The following IMMP2L variants were observed in gnomAD, a reference collection of about 807,000 sequenced individuals.
IMMP2L encodes the protein mitochondrial inner membrane protease subunit 2.
IMMP2L carries 18 observed loss-of-function variants against 19.3 expected under a neutral mutation model. That is an observed-to-expected ratio of 0.93 (90% CI 0.64 to 1.38). The LOEUF is 1.38. IMMP2L is among the 40% of genes most tolerant of loss of function. The probability of loss-of-function intolerance (pLI) is 0.00; values close to 1 mark genes in which losing one functional copy is unlikely to be tolerated. For synonymous variants in IMMP2L, 76 were observed against 73.0 expected, an observed-to-expected ratio of 1.04 and a Z score of -0.21; for missense variants, 233 against 218.2, an observed-to-expected ratio of 1.07 and a Z score of -0.43.
At chr7:111,041,174 C>T (rs1425011137) in intron 3 of IMMP2L, among the ~76,000 whole-genome samples, 2 of 151,864 alleles carry the variant, frequency 1.3e-5, no homozygotes, top group Non-Finnish European at 2.9e-5. Flanking sequence ...TCCTGGGGCT[C>T]ACAAATTTTT....
intron 3 of IMMP2L, among the ~76,000 whole-genome samples, chr7:110,980,836 AAATT>A (rs1346369864): frequency 6.6e-6 from 1 of 152,216 alleles, no homozygotes; most frequent in African/African-American, 2.4e-5. Context: ...ATTCCAAAAT[AAATT>A]GTGTATTATG....
intron 5 of IMMP2L, among the ~76,000 whole-genome samples, chr7:110,799,811 T>C (rs1451137797): frequency 1.3e-5 from 2 of 152,096 alleles, no homozygotes; most frequent in African/African-American, 4.8e-5. Context: ...TGGTTTTGTC[T>C]GAATTACGAA....
rs540287595 is a variant in IMMP2L at position 111,354,556 on chromosome 7, A to C, written c.239+132682T>G. 2.0e-5 allele frequency among the ~76,000 whole-genome samples: 3 copies of C among 151,944 alleles called. No homozygotes were observed. In the South Asian group the frequency reaches 6.2e-4, roughly 32 times the overall value. On this transcript the variant is annotated intron_variant, in intron 3 of 5. Coordinates refer to ENST00000405709, the MANE Select transcript of IMMP2L (RefSeq NM_032549.4). ...GAGGGACGAGAGGTTCTAGTCAACA[A>C]AGAAAAAAAATTGAGATGTATAAGG...
At chr7:110,922,915 T>G (rs976220223) in intron 4 of IMMP2L, among the ~76,000 whole-genome samples, 8 of 152,162 alleles carry the variant, frequency 5.3e-5, no homozygotes, top group Admixed American at 2.0e-4. Context: ...CTCTGATTGA[T>G]TTTCTGATTT....
At chr7:111,001,625 C>T (rs1052899122) in intron 3 of IMMP2L, among the ~76,000 whole-genome samples, 2 of 152,064 alleles carry the variant, frequency 1.3e-5, no homozygotes, top group Non-Finnish European at 2.9e-5. Context: ...GCAATATTTA[C>T]TAGAATCTCA....
intron 3 of IMMP2L, among the ~76,000 whole-genome samples, chr7:111,303,579 G>A (rs1358139065): frequency 6.6e-6 from 1 of 152,008 alleles, no homozygotes; most frequent in Non-Finnish European, 1.5e-5. Flanking sequence ...TATTTGTGAA[G>A]AAATAACTTA....
At chr7:111,168,938 A>C (rs1439386785) in intron 3 of IMMP2L, among the ~76,000 whole-genome samples, 1 of 151,846 alleles carries the variant, frequency 6.6e-6, no homozygotes, top group Middle Eastern at 3.2e-3. Context: ...TGGAGGCCCA[A>C]AAACAAGGTG....
At chr7:111,378,936 T>TGTGACC (rs1193612829) in intron 3 of IMMP2L, among the ~76,000 whole-genome samples, 2 of 151,808 alleles carry the variant, frequency 1.3e-5, no homozygotes, top group Non-Finnish European at 2.9e-5. Context: ...GAAACAGGTA[T>TGTGACC]ACAATTCCAT....
intron 5 of IMMP2L, among the ~76,000 whole-genome samples, chr7:110,737,356 C>A (rs975791133): frequency 3.3e-5 from 5 of 152,172 alleles, no homozygotes; most frequent in African/African-American, 1.2e-4. Flanking sequence ...ATGAGACCAG[C>A]CTTTAGGACT....
intron 3 of IMMP2L, among the ~76,000 whole-genome samples, chr7:111,356,026 T>C (rs1412883187): frequency 2.6e-5 from 4 of 152,026 alleles, no homozygotes; most frequent in African/African-American, 7.2e-5. Context: ...AGGCAGAATT[T>C]AGAAAATTAA....
At position 111,299,760 on chromosome 7, in the gene IMMP2L, T is replaced by A. The variant is rs1822024435; in HGVS notation, c.239+187478A>T. On this transcript the variant is annotated intron_variant, in intron 3 of 5. Transcript: ENST00000405709. ...TGTCTTTTTTTTTTAATAGGAAGGA[T>A]TCTGCAGCTACCATGCAAAGATACT... 2.6e-5 allele frequency among the ~76,000 whole-genome samples: 4 copies of A among 152,082 alleles called. No individual in the cohort carries two copies. The South Asian group carries it at 8.3e-4, about 32-fold the overall frequency.
chr7:111,392,856 C>A (rs1199468110), intron 3 of IMMP2L: 1 of 456,422 alleles, frequency 2.2e-6, no homozygotes, highest in Admixed American at 2.4e-5. Context: ...GGAGGTAAAT[C>A]TAGTGAGGTC....
At chr7:110,859,002 T>C (rs1295228612) in intron 5 of IMMP2L, among the ~76,000 whole-genome samples, 1 of 152,128 alleles carries the variant, frequency 6.6e-6, no homozygotes, top group Admixed American at 6.6e-5. Context: ...CTTTCTGAAA[T>C]TACTGGATCA....
chr7:111,152,244 A>G (rs1474500770), intron 3 of IMMP2L, among the ~76,000 whole-genome samples: 2 of 152,126 alleles, frequency 1.3e-5, no homozygotes, highest in Non-Finnish European at 2.9e-5. Flanking sequence ...CATAATCATA[A>G]TGAATTTGAA....
intron 4 of IMMP2L, among the ~76,000 whole-genome samples, chr7:110,904,412 C>G (rs1812241408): frequency 6.6e-6 from 1 of 152,138 alleles, no homozygotes; most frequent in South Asian, 2.1e-4. Flanking sequence ...TTAATCCACT[C>G]TGAGTTGACT....
intron 3 of IMMP2L, among the ~76,000 whole-genome samples, chr7:111,325,793 A>T (rs530190875): frequency 6.6e-6 from 1 of 151,718 alleles, no homozygotes; most frequent in Non-Finnish European, 1.5e-5. Context: ...CCCCTTTTCC[A>T]TACTACATTC....
chr7:111,059,224 C>T (rs1272196986), intron 3 of IMMP2L, among the ~76,000 whole-genome samples: 2 of 152,068 alleles, frequency 1.3e-5, no homozygotes, highest in Non-Finnish European at 1.5e-5. Flanking sequence ...CCTTGTGATC[C>T]GCCTGCCTCG....
intron 3 of IMMP2L, among the ~76,000 whole-genome samples, chr7:111,007,890 C>T (rs753466217): frequency 2.0e-5 from 3 of 152,072 alleles, no homozygotes; most frequent in Non-Finnish European, 2.9e-5. Context: ...TACCATTTCT[C>T]GTCTTCTAAC....
At chr7:110,991,287 G>A (rs7799911) in intron 3 of IMMP2L, among the ~76,000 whole-genome samples, 151,717 of 152,274 alleles carry the variant, frequency 1, 75,583 homozygotes, top group Middle Eastern at 1. Context: ...ACAGGACTAC[G>A]TATAGCGTGG....
Sources: allele counts gnomAD v4.1 joint callset (sites outside exome capture counted in the v4.1 genomes callset), GRCh38; gene constraint gnomAD v4.1.1; transcripts MANE v1.5; gene names NCBI Gene and HGNC (gene_info 2026-07-23, HGNC 2026-07-21).